The following PARD3B variants were observed in gnomAD, a reference collection of about 807,000 sequenced individuals.
The protein encoded by PARD3B is partitioning defective 3 homolog B.
A neutral mutation model predicts 130.2 loss-of-function variants in PARD3B; 103 were observed. The observed-to-expected ratio is 0.79, with a 90% confidence interval of 0.67 to 0.93. PARD3B has a LOEUF of 0.93. Ranked by LOEUF, PARD3B falls within the 40% of genes least tolerant of loss-of-function variation. The pLI is 0.00. For missense variants in PARD3B, 1,609 were observed against 1,499.2 expected, an observed-to-expected ratio of 1.07 and a Z score of -1.21; for synonymous variants, 583 against 553.2, an observed-to-expected ratio of 1.05 and a Z score of -0.76.
intron 2 of PARD3B, among the ~76,000 whole-genome samples, chr2:204,917,432 TGA>T (rs1553557131): frequency 1.3e-5 from 2 of 152,016 alleles, no homozygotes; most frequent in Non-Finnish European, 1.5e-5. Context: ...ATGTGAGGAG[TGA>T]GAGGACCAGA....
At chr2:204,708,037 G>A (rs983615427) in intron 2 of PARD3B, among the ~76,000 whole-genome samples, 1 of 152,156 alleles carries the variant, frequency 6.6e-6, no homozygotes, top group Non-Finnish European at 1.5e-5. Context: ...CCCACAGCAG[G>A]ATGAGGATAG....
chr2:205,503,024 C>A (rs1339490205), intron 21 of PARD3B, among the ~76,000 whole-genome samples: 2 of 149,976 alleles, frequency 1.3e-5, no homozygotes, highest in African/African-American at 4.9e-5. Flanking sequence ...TCTCCCCTCT[C>A]CCCTCTCTCT....
intron 3 of PARD3B, among the ~76,000 whole-genome samples, chr2:205,037,412 G>T (rs1361019480): frequency 2.0e-5 from 3 of 146,712 alleles, no homozygotes; most frequent in Non-Finnish European, 4.5e-5. Context: ...TGGACTATAT[G>T]TATAAAATAT....
rs554298216 is a variant in PARD3B at position 204,652,966 on chromosome 2, C to G, written c.121-33215C>G. Among the ~76,000 whole-genome samples the G allele has an allele frequency of 6.4e-4, 97 of 151,114 alleles. 1 individual carries two copies. Among genetic ancestry groups the G allele is most frequent in the Middle Eastern group, 3.4e-3 (1 of 294 alleles). On this transcript the variant is annotated intron_variant, in intron 1 of 22. Coordinates refer to ENST00000406610, the MANE Select transcript of PARD3B (RefSeq NM_001302769.2). ...ATGACAATAGCAGGGGAAGTCTGCC[C>G]CCATTATTCAATCACCTCCCACCAG...
At chr2:205,283,214 A>T (rs573869618) in intron 16 of PARD3B, among the ~76,000 whole-genome samples, 1 of 152,344 alleles carries the variant, frequency 6.6e-6, no homozygotes, top group East Asian at 1.9e-4. Flanking sequence ...TAAACCCTTC[A>T]GAGTGTGAGA....
At chr2:205,378,407 G>A (rs1364238911) in intron 18 of PARD3B, among the ~76,000 whole-genome samples, 2 of 152,084 alleles carry the variant, frequency 1.3e-5, no homozygotes, top group South Asian at 2.1e-4. Flanking sequence ...AAACAGAGGT[G>A]GAAGGGAAAA....
intron 2 of PARD3B, among the ~76,000 whole-genome samples, chr2:204,780,345 T>G (rs1276569657): frequency 6.6e-6 from 1 of 152,244 alleles, no homozygotes; most frequent in Middle Eastern, 3.4e-3. Context: ...TATCTAAAAT[T>G]ATAGAATTTG....
chr2:205,493,932 T>C (rs558248742), intron 20 of PARD3B, among the ~76,000 whole-genome samples: 6 of 152,006 alleles, frequency 3.9e-5, no homozygotes, highest in Non-Finnish European at 7.4e-5. Context: ...AATTTTTTTT[T>C]GTATTTTTAG....
chr2:205,285,787 TGGGATGC>T (rs2041373189), intron 16 of PARD3B, among the ~76,000 whole-genome samples: 2 of 152,306 alleles, frequency 1.3e-5, no homozygotes, highest in African/African-American at 4.8e-5. Context: ...CCACCTTGTT[TGGGATGC>T]TTTTGAGTTT....
chr2:205,454,966 T>A (rs963373851), intron 20 of PARD3B, among the ~76,000 whole-genome samples: 14 of 152,298 alleles, frequency 9.2e-5, no homozygotes, highest in African/African-American at 3.4e-4. Context: ...AAGCAAAGTG[T>A]GTATGATATT....
Position 204,644,014 on chromosome 2 carries a change from G to C in PARD3B, c.121-42167G>C, listed in dbSNP as rs1237941281. On this transcript the variant is annotated intron_variant, in intron 1 of 22. Coordinates refer to ENST00000406610, the MANE Select transcript of PARD3B (RefSeq NM_001302769.2). ...TAGTCTTCCCCTTCTCAAGCCTCTT[G>C]TAAGAATTCTTTCCTTTAGCAACAG... Among the ~76,000 whole-genome samples, 5 of 152,248 alleles carry C rather than the reference G, an allele frequency of 3.3e-5. No homozygotes were observed. The South Asian group carries it at 6.2e-4, about 19-fold the overall frequency.
At chr2:205,211,032 T>C (rs1175768891) in intron 15 of PARD3B, among the ~76,000 whole-genome samples, 2 of 152,110 alleles carry the variant, frequency 1.3e-5, no homozygotes, top group African/African-American at 4.8e-5. Flanking sequence ...TCATTAAGTG[T>C]TCAGAAAAAT....
chr2:204,856,823 C>CAT (rs1388631633), intron 2 of PARD3B, among the ~76,000 whole-genome samples: 1 of 152,036 alleles, frequency 6.6e-6, no homozygotes, highest in Non-Finnish European at 1.5e-5. Context: ...ACCTGTGTGT[C>CAT]ATAATTTACT....
intron 2 of PARD3B, among the ~76,000 whole-genome samples, chr2:204,838,490 C>T (rs2044141014): frequency 1.3e-5 from 2 of 152,040 alleles, no homozygotes; most frequent in South Asian, 4.1e-4. Flanking sequence ...GTTGGGATTA[C>T]AGACATGAAC....
chr2:205,359,195 T>A (rs1353729332), intron 18 of PARD3B, among the ~76,000 whole-genome samples: 1 of 152,176 alleles, frequency 6.6e-6, no homozygotes, highest in Non-Finnish European at 1.5e-5. Flanking sequence ...GAGTAATAGC[T>A]CCTCTCATTA....
intron 3 of PARD3B, among the ~76,000 whole-genome samples, chr2:205,005,966 A>G (rs1424996029): frequency 6.6e-6 from 1 of 152,040 alleles, no homozygotes; most frequent in Non-Finnish European, 1.5e-5. Flanking sequence ...CCCTCCTCCT[A>G]ACTTCCCCGC....
rs367992972 is a variant in PARD3B, at chr2:204,797,059, C to T, written c.222+110777C>T. 1.1e-4 allele frequency among the ~76,000 whole-genome samples: 16 copies of T among 151,362 alleles called. No homozygotes were observed. The East Asian group carries it at 3.1e-3, about 30-fold the overall frequency. ...GCATGGTGGTGGGTGCCTGTAGTCC[C>T]AGCTACTCGGGAGGCTGAGGCAGGA... On this transcript the variant is annotated intron_variant, in intron 2 of 22. Transcript: ENST00000406610.
chr2:204,726,080 C>A (rs1187916276), intron 2 of PARD3B, among the ~76,000 whole-genome samples: 1 of 152,184 alleles, frequency 6.6e-6, no homozygotes, highest in Non-Finnish European at 1.5e-5. Context: ...GCGGACCACC[C>A]ATCAGTGGAT....
In PARD3B at chr2:205,309,049, T is replaced by C. The variant is rs957311361; in HGVS notation, c.2630+7348T>C. On this transcript the variant is annotated intron_variant, in intron 18 of 22. Transcript: ENST00000406610. This position sits in a 1 kb window ranked among gnomAD's most constrained non-coding sequence, Gnocchi z 4.7. Reference sequence around the variant, plus strand: ...AGCACACTATGGTACTAAAGCCAAATCACTTTATGCCTGCTTTTGTTTTCT... The same window carrying C: ...AGCACACTATGGTACTAAAGCCAAACCACTTTATGCCTGCTTTTGTTTTCT... Among the ~76,000 whole-genome samples the C allele has an allele frequency of 2.0e-5, 3 of 151,608 alleles. No homozygotes were observed. The highest frequency in any genetic ancestry group is 4.4e-5 in the Non-Finnish European group (3 of 67,932).
Sources: gnomAD v4.1 joint callset for allele counts (sites outside exome capture counted in the v4.1 genomes callset) on GRCh38, gnomAD v4.1.1 for gene constraint, Gnocchi (gnomAD v3.1) non-coding constraint, MANE v1.5 for transcripts, NCBI Gene and HGNC (gene_info 2026-07-23, HGNC 2026-07-21) for gene names.